The following DHX15 variants were observed in gnomAD, a reference collection of about 807,000 sequenced individuals.
DHX15 encodes DEAH-box helicase 15.
DHX15 carries 11 observed loss-of-function variants against 94.4 expected under a neutral mutation model. That is an observed-to-expected ratio of 0.12 (90% CI 0.07 to 0.19). DHX15 has a LOEUF of 0.19. Among genes scored for constraint, DHX15 ranks in the 10% least tolerant of loss-of-function variants. The pLI is 1.00. For missense variants in DHX15, 304 were observed against 988.5 expected (o/e 0.31, Z 9.29); for synonymous variants, 338 against 329.9 (o/e 1.02, Z -0.27).
intron 5 of DHX15, among the ~76,000 whole-genome samples, chr4:24,551,796 A>C (rs1313734696): frequency 6.6e-6 from 1 of 152,220 alleles, no homozygotes; most frequent in African/African-American, 2.4e-5. Flanking sequence ...ACTGTACATA[A>C]ATGAAAAATA....
intron 11 of DHX15, among the ~76,000 whole-genome samples, chr4:24,535,191 G>C (rs1721168481): frequency 6.6e-6 from 1 of 151,988 alleles, no homozygotes; most frequent in Non-Finnish European, 1.5e-5. Context: ...TCCACCTCTT[G>C]TTTACAGGCC....
At chr4:24,534,003 C>T (rs1042924089) in intron 11 of DHX15, 1 of 152,126 alleles carries the variant, frequency 6.6e-6, no homozygotes, top group Non-Finnish European at 1.5e-5. Flanking sequence ...GTTTTTTAGA[C>T]ATAACAAATA....
intron 3 of DHX15, among the ~76,000 whole-genome samples, chr4:24,560,245 T>C (rs773487079): frequency 4.0e-5 from 6 of 151,652 alleles, no homozygotes; most frequent in African/African-American, 1.5e-4. Context: ...ATATATTTTA[T>C]GAAACATTCC....
chr4:24,555,291 G>C (rs1018261560), intron 4 of DHX15, among the ~76,000 whole-genome samples: 3 of 138,312 alleles, frequency 2.2e-5, no homozygotes, highest in Non-Finnish European at 4.8e-5. Context: ...TTGCAAATAG[G>C]AAAAAACAGA....
At chr4:24,545,044 C>T (rs866961653) in intron 6 of DHX15, among the ~76,000 whole-genome samples, 40 of 152,166 alleles carry the variant, frequency 2.6e-4, no homozygotes, top group Middle Eastern at 3.4e-3. Context: ...CCAGGAGGTT[C>T]AGGTTGCAGT....
chr4:24,541,712 C>A (rs552210473), intron 8 of DHX15, among the ~76,000 whole-genome samples, 161 bp downstream of exon 8: 1 of 151,824 alleles, frequency 6.6e-6, no homozygotes, highest in African/African-American at 2.4e-5. Context: ...AGGGGGTGTA[C>A]GACTATCTAA....
rs759308912 is a variant in DHX15 at position 24,540,954 on chromosome 4, A to G, written c.1486-6T>C. On this transcript the variant is annotated splice_region_variant and splice_polypyrimidine_tract_variant and intron_variant, in intron 8 of 13. Transcript: ENST00000336812. Reference sequence around the variant, plus strand: ...ATCTCAGGATAGGTGTTATCCTAGCAAAGAACAAAAACATTTATTGGTTAT... The same window carrying G: ...ATCTCAGGATAGGTGTTATCCTAGCGAAGAACAAAAACATTTATTGGTTAT... 76 of 1,546,272 alleles carry G rather than the reference A, an allele frequency of 4.9e-5. No individual in the cohort carries two copies. In the South Asian group the frequency reaches 8.3e-4, roughly 17 times the overall value.
intron 3 of DHX15, among the ~76,000 whole-genome samples, chr4:24,569,065 A>G (rs1346418769): frequency 6.6e-6 from 1 of 152,158 alleles, no homozygotes; most frequent in Non-Finnish European, 1.5e-5. Flanking sequence ...ACTGACACAA[A>G]TGTTGAATGA....
At chr4:24,553,224 G>A (rs1721650335) in intron 5 of DHX15, among the ~76,000 whole-genome samples, 1 of 152,190 alleles carries the variant, frequency 6.6e-6, no homozygotes, top group African/African-American at 2.4e-5. Context: ...GGAAGGCTGA[G>A]GCAGGAGAAT....
intron 3 of DHX15, among the ~76,000 whole-genome samples, chr4:24,557,745 C>T (rs1179439506): frequency 2.0e-5 from 3 of 152,186 alleles, no homozygotes; most frequent in South Asian, 2.1e-4. Flanking sequence ...TGACTCAGTG[C>T]CTTAAAGACA....
intron 11 of DHX15, among the ~76,000 whole-genome samples, chr4:24,536,557 T>C (rs1198451385): frequency 6.6e-6 from 1 of 152,200 alleles, no homozygotes; most frequent in African/African-American, 2.4e-5. Context: ...AATGCACTTC[T>C]TGGGCTAACA....
intron 7 of DHX15, 95 bp from the exon 8 acceptor site, chr4:24,542,117 T>C: frequency 9.3e-7 from 1 of 1,071,164 alleles, no homozygotes; most frequent in Non-Finnish European, 1.3e-6. Flanking sequence ...AATTCCAAAA[T>C]AAATAAAGAA....
At position 24,550,094 on chromosome 4, in the gene DHX15, C is replaced by CAAAAAAAAAAAAAAAAAAAAAAAAA. The variant is rs58459661; in HGVS notation, c.1081-1097_1081-1073dup. Among the ~76,000 whole-genome samples the CAAAAAAAAAAAAAAAAAAAAAAAAA allele has an allele frequency of 1.1e-3, 56 of 49,742 alleles. 12 individuals are homozygous for CAAAAAAAAAAAAAAAAAAAAAAAAA. Among genetic ancestry groups the CAAAAAAAAAAAAAAAAAAAAAAAAA allele is most frequent in the South Asian group, 7.2e-3 (6 of 836 alleles). The allele number at this position is 49,742 out of a possible 152,430, so 32.6% of individuals were successfully genotyped here. ...GGGCAAAAAGAGGGAAACTCCGTCT[C>CAAAAAAAAAAAAAAAAAAAAAAAAA]AAAAAAAAAAAAAAAAAAAAAAAAA... On this transcript the variant is annotated intron_variant, in intron 5 of 13. Coordinates refer to ENST00000336812, the MANE Select transcript of DHX15 (RefSeq NM_001358.3).
At chr4:24,584,258 G>A (rs977949410) in intron 1 of DHX15, 65 bp downstream of exon 1, 133 of 1,515,468 alleles carry the variant, frequency 8.8e-5, no homozygotes, top group Middle Eastern at 7.2e-4. Context: ...GCCAGCCCCG[G>A]CCCGCTCCCT....
chr4:24,540,174 T>C lies in DHX15; in HGVS notation c.1720A>G (p.Met574Val), dbSNP rs147661530. Reference protein sequence around the residue: ...EFPLDPQLAKMVIASCDYNCS... With the variant: ...EFPLDPQLAKVVIASCDYNCS... ...TTGTAGTCACAACTTGCAATAACCA[T>C]TTTTGCGAGCTGTGGATCTAGAGGA... Residue 574 changes from methionine (M) to valine (V), a missense_variant, in exon 10 of 14, where the codon ATG (methionine) becomes GTG (valine). Met to Val is a conservative substitution (Grantham distance 21). This residue lies in a region of DHX15 where 14 missense variants were observed against 24.5 expected (regional missense o/e 0.57). Coordinates refer to ENST00000336812, the MANE Select transcript of DHX15 (RefSeq NM_001358.3). The C allele has an allele frequency of 6.2e-7, 1 of 1,613,268 alleles. No homozygotes were observed. The highest frequency in any genetic ancestry group is 8.5e-7 in the Non-Finnish European group (1 of 1,179,428).
chr4:24,542,537 T>C (rs1433864945), intron 7 of DHX15, among the ~76,000 whole-genome samples: 1 of 152,158 alleles, frequency 6.6e-6, no homozygotes, highest in Non-Finnish European at 1.5e-5. Context: ...ACTGTTAAAC[T>C]AGAGGAGTAA....
chr4:24,541,797 A>G, intron 8 of DHX15, 76 bp downstream of exon 8: 1 of 1,377,674 alleles, frequency 7.3e-7, no homozygotes, highest in Non-Finnish European at 9.7e-7. Context: ...TTAAGTAAAT[A>G]AGGCAATGTT....
At position 24,581,258 on chromosome 4, in the gene DHX15, G is replaced by A. The variant is rs182859265; in HGVS notation, c.71+3065C>T. On this transcript the variant is annotated intron_variant, in intron 1 of 13. Coordinates refer to ENST00000336812, the MANE Select transcript of DHX15 (RefSeq NM_001358.3). ...TTAGCCAGGATGGTCTTGATCTCCT[G>A]ACCTCGTGATCCACCCGCCTCGGCC... is the stretch of plus-strand genomic sequence containing the variant. Among the ~76,000 whole-genome samples, 267 of 152,082 alleles carry A rather than the reference G, an allele frequency of 1.8e-3. 1 individual carries two copies. The highest frequency in any genetic ancestry group is 3.2e-3 in the Non-Finnish European group (216 of 67,986).
chr4:24,581,898 A>C (rs1202616468), intron 1 of DHX15, among the ~76,000 whole-genome samples: 6 of 152,240 alleles, frequency 3.9e-5, no homozygotes, highest in Non-Finnish European at 7.3e-5. Flanking sequence ...CTGATTTCAA[A>C]GTTAAAATAT....
Sources: gnomAD v4.1 joint callset for allele counts (sites outside exome capture counted in the v4.1 genomes callset) on GRCh38, gnomAD v4.1.1 for gene constraint, gnomAD v4.1.1 regional missense constraint, MANE v1.5 for transcripts, NCBI Gene and HGNC (gene_info 2026-07-23, HGNC 2026-07-21) for gene names.